Variants in USP7 observed in about 807,000 individuals in gnomAD.
The protein encoded by USP7 is ubiquitin specific peptidase 7.
A neutral mutation model predicts 162.9 loss-of-function variants in USP7; 9 were observed. That is an observed-to-expected ratio of 0.06 (90% CI 0.03 to 0.10). The LOEUF is 0.10. Ranked by LOEUF, USP7 falls within the 10% of genes least tolerant of loss-of-function variation. The probability of loss-of-function intolerance (pLI) is 1.00; values close to 1 mark genes in which losing one functional copy is unlikely to be tolerated. For synonymous variants in USP7, 562 were observed against 475.9 expected (o/e 1.18, Z -2.35); for missense variants, 715 against 1,373.7 (o/e 0.52, Z 7.58).
chr16:8,947,307 A>C (rs182615124), intron 1 of USP7, among the ~76,000 whole-genome samples: 2 of 152,238 alleles, frequency 1.3e-5, no homozygotes, highest in Admixed American at 1.3e-4. Context: ...TTTTTTATAC[A>C]ACATTACCAT....
rs116394727 is a variant in USP7, at chr16:8,912,819, T to A, written c.1079-1992A>T. 5.3e-3 allele frequency among the ~76,000 whole-genome samples: 799 copies of A among 151,394 alleles called. 9 individuals carry two copies. The highest frequency in any genetic ancestry group is 0.019 in the African/African-American group (771 of 41,256). ...AAAAGAAGAGATAAAGATTTTCATT[T>A]AAAAAAAATCCAAGTCAAACTTCTA... is the stretch of plus-strand genomic sequence containing the variant. On this transcript the variant is annotated intron_variant, in intron 10 of 30. Transcript: ENST00000344836.
intron 26 of USP7, 75 bp downstream of exon 26, chr16:8,896,924 C>A: frequency 1.8e-6 from 2 of 1,140,832 alleles, no homozygotes; most frequent in Non-Finnish European, 2.7e-6. Flanking sequence ...TGATTTCCAC[C>A]AACGCAACTG....
chr16:8,956,814 C>A (rs1173687095), intron 1 of USP7, among the ~76,000 whole-genome samples: 3 of 151,894 alleles, frequency 2.0e-5, no homozygotes, highest in Non-Finnish European at 4.4e-5. Flanking sequence ...TACACAGCCA[C>A]AGGCACAGGA....
chr16:8,958,696 C>G (rs559672177), intron 1 of USP7, among the ~76,000 whole-genome samples: 3 of 152,220 alleles, frequency 2.0e-5, no homozygotes, highest in Non-Finnish European at 2.9e-5. Flanking sequence ...TCCACTTCCC[C>G]ACACTCATCG....
chr16:8,899,358 G>C (rs1334080647), intron 22 of USP7, 170 bp from the exon 23 acceptor site: 1 of 743,380 alleles, frequency 1.3e-6, no homozygotes, highest in Non-Finnish European at 2.2e-6. Context: ...CATGGGAGTA[G>C]CATATCTGAT....
Position 8,894,879 on chromosome 16 carries a change from TCA to T in USP7, c.3040-26_3040-25del, listed in dbSNP as rs774646200. ...CCCTAGAATGGCAAAGGACATGTGC[TCA>T]CACAGTCACTCCCAGCACCCCCAGG... On this transcript the variant is annotated intron_variant, in intron 28 of 30. Coordinates refer to ENST00000344836, the MANE Select transcript of USP7 (RefSeq NM_003470.3). 1.1e-5 allele frequency: 17 copies of T among 1,613,970 alleles called. 1 individual carries two copies. Among genetic ancestry groups the T allele is most frequent in the Non-Finnish European group, 1.2e-5 (14 of 1,180,044 alleles).
At position 8,919,121 on chromosome 16, in the gene USP7, G is replaced by A. The variant is rs753887425; in HGVS notation, c.630C>T (p.His210=). The change falls in exon 6 of 31, where the codon CAC becomes CAT. Residue 210 remains histidine (H), a synonymous_variant. Transcript: ENST00000344836. The part of the protein sequence containing the change: ...PHGVAWDSKK[H]TGYVGLKNQG... The stretch of plus-strand genomic sequence containing the variant: ...GATTCTTTAAGCCGACGTAGCCTGT[G>A]TGCTTCTTTGAATCCCACCTGAAAG... 1 of 1,614,090 alleles carries A rather than the reference G, an allele frequency of 6.2e-7. No homozygotes were observed. The highest frequency in any genetic ancestry group is 8.5e-7 in the Non-Finnish European group (1 of 1,180,022).
At chr16:8,963,175 C>T in intron 1 of USP7, 32 bp downstream of exon 1, 1 of 1,393,304 alleles carries the variant, frequency 7.2e-7, no homozygotes, top group Non-Finnish European at 9.4e-7. Flanking sequence ...AGGCGCCCCC[C>T]GGCCCCGCCG....
intron 2 of USP7, among the ~76,000 whole-genome samples, chr16:8,924,514 T>A (rs1897884563): frequency 6.6e-6 from 1 of 152,226 alleles, no homozygotes; most frequent in Non-Finnish European, 1.5e-5. Context: ...TATTTTGACA[T>A]CCCTGACCAC....
intron 1 of USP7, among the ~76,000 whole-genome samples, chr16:8,938,409 C>A (rs948947956): frequency 6.6e-6 from 1 of 151,750 alleles, no homozygotes; most frequent in Non-Finnish European, 1.5e-5. Context: ...TTCAACAAAC[C>A]GCACATCAAA....
chr16:8,920,039 G>A lies in USP7; in HGVS notation c.611+320C>T, dbSNP rs950217450. On this transcript the variant is annotated intron_variant, in intron 5 of 30. Transcript: ENST00000344836. Reference sequence around the variant, plus strand: ...TCCCTGCCCTCATCAAAGTAACAACGGAGCATCTCTGCTCTGGGTATTTAT... The same window carrying A: ...TCCCTGCCCTCATCAAAGTAACAACAGAGCATCTCTGCTCTGGGTATTTAT... Among the ~76,000 whole-genome samples, 10 of 152,242 alleles carry A rather than the reference G, an allele frequency of 6.6e-5. No individual in the cohort carries two copies. In the South Asian group the frequency reaches 1.5e-3, roughly 22 times the overall value.
In USP7 at chr16:8,903,282, G is replaced by C; in HGVS notation, c.1825C>G (p.Leu609Val). ...NSSLAEFVQS[L>V]SQTMGFPQDQ... Reference sequence around the variant, plus strand: ...CCGGTACGCACCATGGTCTGAGAGAGGCTCTGAACAAACTCAGCAAGCGAG... The same window carrying C: ...CCGGTACGCACCATGGTCTGAGAGACGCTCTGAACAAACTCAGCAAGCGAG... The change falls in exon 16 of 31, where the codon CTC (leucine) becomes GTC (valine). Residue 609 changes from leucine to valine, a missense_variant. Around this residue, in one of 11 missense-constraint regions of USP7, gnomAD observed 197 missense variants for 306.5 expected, o/e 0.64. Coordinates refer to ENST00000344836, the MANE Select transcript of USP7 (RefSeq NM_003470.3). 1.2e-6 allele frequency: 2 copies of C among 1,613,820 alleles called. No individual in the cohort carries two copies. Among genetic ancestry groups the C allele is most frequent in the Non-Finnish European group, 1.7e-6 (2 of 1,179,892 alleles).
At chr16:8,914,015 G>C (rs1385640808) in intron 10 of USP7, among the ~76,000 whole-genome samples, 1 of 151,850 alleles carries the variant, frequency 6.6e-6, no homozygotes, top group Non-Finnish European at 1.5e-5. Flanking sequence ...TGAAATTACA[G>C]GCATGAGCGA....
intron 1 of USP7, among the ~76,000 whole-genome samples, chr16:8,960,374 G>A (rs917345300): frequency 1.3e-4 from 20 of 152,246 alleles, no homozygotes; most frequent in African/African-American, 4.6e-4. Context: ...CTATTCCAGA[G>A]CACTGCTGTT....
At chr16:8,919,452 TAG>T (rs1037776885) in intron 5 of USP7, among the ~76,000 whole-genome samples, 15 of 152,042 alleles carry the variant, frequency 9.9e-5, no homozygotes, top group African/African-American at 3.6e-4. Flanking sequence ...TGCCTCATGG[TAG>T]AGTTTGGTTA....
At chr16:8,937,616 G>A (rs1386104051) in intron 1 of USP7, among the ~76,000 whole-genome samples, 2 of 152,108 alleles carry the variant, frequency 1.3e-5, no homozygotes, top group Non-Finnish European at 2.9e-5. Flanking sequence ...GGGACGTAAA[G>A]GCTGCAGTGA....
Position 8,902,339 on chromosome 16 carries a change from T to A in USP7, c.1941+42A>T, listed in dbSNP as rs375688782. ...CACTAAGTGCAGAGGACTAACGCCTTCTGCACGGTTCCAAACCAGATACGC... is the reference window on the plus strand; with the variant it reads ...CACTAAGTGCAGAGGACTAACGCCTACTGCACGGTTCCAAACCAGATACGC... On this transcript the variant is annotated intron_variant, in intron 17 of 30. Transcript: ENST00000344836. The A allele has an allele frequency of 2.5e-6, 4 of 1,606,680 alleles. No homozygotes were observed. The South Asian group carries it at 4.4e-5, about 18-fold the overall frequency.
At chr16:8,917,706 A>G (rs1369503889) in intron 6 of USP7, among the ~76,000 whole-genome samples, 1 of 151,900 alleles carries the variant, frequency 6.6e-6, no homozygotes, top group Non-Finnish European at 1.5e-5. Flanking sequence ...ATAAAAAGAT[A>G]ATACAGAAAA....
intron 1 of USP7, among the ~76,000 whole-genome samples, chr16:8,935,338 T>C (rs1898639454): frequency 1.3e-5 from 2 of 151,902 alleles, no homozygotes; most frequent in African/African-American, 4.8e-5. Context: ...GCCTCCTGAG[T>C]AGCTGGGATT....
Sources: allele counts gnomAD v4.1 joint callset (sites outside exome capture counted in the v4.1 genomes callset), GRCh38; gene constraint gnomAD v4.1.1; regional missense constraint gnomAD v4.1.1; transcripts MANE v1.5; gene names NCBI Gene and HGNC (gene_info 2026-07-23, HGNC 2026-07-21).